Variants in RNF212B observed in about 807,000 individuals in gnomAD.
RNF212B encodes ring finger protein 212B.
RNF212B carries 52 observed loss-of-function variants against 55.5 expected under a neutral mutation model. The ratio of observed to expected loss-of-function variants is 0.94; its 90% CI spans 0.75 to 1.18. The LOEUF is 1.18. Ranked by LOEUF, RNF212B falls within the 50% of genes most tolerant of loss-of-function variation. RNF212B has a pLI of 0.00. For synonymous variants in RNF212B, 99 were observed against 121.4 expected (o/e 0.82, Z 1.21); for missense variants, 289 against 350.4 (o/e 0.82, Z 1.40).
At chr14:23,218,173 CT>C (rs1420967880) in intron 2 of RNF212B, among the ~76,000 whole-genome samples, 17 of 151,530 alleles carry the variant, frequency 1.1e-4, no homozygotes, top group Admixed American at 1.1e-3. Context: ...TCGAGACCCT[CT>C]TGGCTAACAC....
At chr14:23,194,726 C>T (rs1878467602) in intron 2 of RNF212B, among the ~76,000 whole-genome samples, 2 of 95,408 alleles carry the variant, frequency 2.1e-5, no homozygotes, top group African/African-American at 8.8e-5. Flanking sequence ...CAGAGTGAGA[C>T]TCTGTCTCAA....
intron 2 of RNF212B, among the ~76,000 whole-genome samples, chr14:23,205,177 A>C (rs1382627345): frequency 6.6e-6 from 1 of 152,070 alleles, no homozygotes; most frequent in South Asian, 2.1e-4. Context: ...TACACACACA[A>C]AAAATCTCTT....
In RNF212B at chr14:23,242,566, T is replaced by C. The variant is rs142237665; in HGVS notation, c.101-690T>C. On this transcript the variant is annotated intron_variant, in intron 2 of 14. Transcript: ENST00000430154. ...AAAAAAGAGTAACTTAAAGTTAAGA[T>C]CTTTGGTATCTTGTACTCTTCCTCA... Among the ~76,000 whole-genome samples, 26 of 152,264 alleles carry C rather than the reference T, an allele frequency of 1.7e-4. No individual in the cohort carries two copies. The East Asian group carries it at 4.8e-3, about 28-fold the overall frequency.
At chr14:23,193,794 T>C (rs1190368188) in intron 2 of RNF212B, among the ~76,000 whole-genome samples, 2 of 150,342 alleles carry the variant, frequency 1.3e-5, no homozygotes, top group Non-Finnish European at 3.0e-5. Flanking sequence ...AGAGTGGGGG[T>C]AGTTATTAGA....
chr14:23,228,639 A>ACT lies in RNF212B; in HGVS notation c.-1-11701_-1-11700dup, dbSNP rs149787572. On this transcript the variant is annotated intron_variant, in intron 2 of 15. Coordinates refer to the RNF212B transcript ENST00000399910. ...AATCCAGCCTGGGTGACAGAGCAAG[A>ACT]CTCTCTAAAAAAACAAAAAAACAAA... Among the ~76,000 whole-genome samples the ACT allele has an allele frequency of 9.0e-3, 1,359 of 151,830 alleles. 16 individuals are homozygous for ACT. The highest frequency in any genetic ancestry group is 0.031 in the African/African-American group (1,274 of 41,260).
upstream of RNF212B, among the ~76,000 whole-genome samples, chr14:23,234,447 T>C (rs1301137893): frequency 6.6e-6 from 1 of 152,172 alleles, no homozygotes; most frequent in Non-Finnish European, 1.5e-5. Flanking sequence ...TTTCGTCTGG[T>C]ACCTGTCTGT....
At chr14:23,270,255 G>A (rs543104782) in intron 13 of RNF212B, among the ~76,000 whole-genome samples, 4 of 152,254 alleles carry the variant, frequency 2.6e-5, no homozygotes, top group South Asian at 4.1e-4. Flanking sequence ...AATGCTGGGC[G>A]CTCAGTTCTG....
At chr14:23,223,547 G>A (rs999956200) in intron 2 of RNF212B, among the ~76,000 whole-genome samples, 5 of 152,052 alleles carry the variant, frequency 3.3e-5, no homozygotes, top group Admixed American at 1.3e-4. Flanking sequence ...AGTAGAGACG[G>A]GGTTACACGA....
chr14:23,234,141 T>C (rs1034509208), upstream of RNF212B, among the ~76,000 whole-genome samples: 1 of 152,048 alleles, frequency 6.6e-6, no homozygotes, highest in Non-Finnish European at 1.5e-5. Context: ...AGATATTTTC[T>C]AGGAAAACTG....
At chr14:23,269,235 G>A (rs1338523364) in intron 12 of RNF212B, among the ~76,000 whole-genome samples, 3 of 152,022 alleles carry the variant, frequency 2.0e-5, no homozygotes, top group Admixed American at 6.6e-5. Context: ...TCCAGGAGGC[G>A]GAGGTTGCAG....
At chr14:23,216,879 C>CAAAAAAAAAAAAA (rs59923716) in intron 2 of RNF212B, among the ~76,000 whole-genome samples, 1 of 48,756 alleles carries the variant, frequency 2.1e-5, no homozygotes, top group African/African-American at 8.6e-5. Flanking sequence ...GACCCTGTCT[C>CAAAAAAAAAAAAA]AAAAAAAAAA....
At position 23,273,383 on chromosome 14, in the gene RNF212B, A is replaced by T. The variant is rs1427104022; in HGVS notation, c.*492A>T. The T allele has an allele frequency of 2.0e-5, 3 of 152,362 alleles. No homozygotes were observed. In the East Asian group the frequency reaches 5.8e-4, roughly 29 times the overall value. 9.4% of individuals were successfully genotyped at this position (152,362 alleles called of 1,614,324 possible). ...TATGCTTAGTTACTATTAAATGTTA[A>T]TTTTCCTTTCTATTGAAAACAACTG... On this transcript the variant is annotated 3_prime_UTR_variant, in exon 15 of 15. Coordinates refer to ENST00000430154, the MANE Select transcript of RNF212B (RefSeq NM_001282322.3).
intron 2 of RNF212B, among the ~76,000 whole-genome samples, chr14:23,215,529 C>CACAA (rs1159266326): frequency 6.6e-6 from 1 of 151,888 alleles, no homozygotes; most frequent in Non-Finnish European, 1.5e-5. Flanking sequence ...CAAACACACA[C>CACAA]ACAAACAAAC....
intron 4 of RNF212B, among the ~76,000 whole-genome samples, chr14:23,253,424 G>A (rs1884561356): frequency 6.6e-6 from 1 of 152,002 alleles, no homozygotes; most frequent in Non-Finnish European, 1.5e-5. Flanking sequence ...TCACAGTGTG[G>A]ATTTTGTTTA....
At chr14:23,207,598 C>T (rs1209939583) in intron 2 of RNF212B, among the ~76,000 whole-genome samples, 1 of 152,234 alleles carries the variant, frequency 6.6e-6, no homozygotes, top group East Asian at 1.9e-4. Context: ...AGAGTTAGCT[C>T]ATGCTGGTAC....
intron 2 of RNF212B, among the ~76,000 whole-genome samples, chr14:23,209,824 A>T (rs1389136145): frequency 6.6e-6 from 1 of 152,212 alleles, no homozygotes; most frequent in Non-Finnish European, 1.5e-5. Context: ...ATACAACATG[A>T]TGACAGGGCA....
intron 2 of RNF212B, among the ~76,000 whole-genome samples, chr14:23,242,860 T>C (rs373270267): frequency 7.2e-5 from 11 of 151,996 alleles, no homozygotes; most frequent in African/African-American, 2.4e-4. Context: ...GCGCCTGTGG[T>C]CCCAGCTAGT....
intron 2 of RNF212B, among the ~76,000 whole-genome samples, chr14:23,219,540 C>T (rs775057832): frequency 4.0e-5 from 6 of 151,004 alleles, no homozygotes; most frequent in Admixed American, 1.3e-4. Context: ...GGCAAGATCT[C>T]GGCTCACTGC....
Position 23,270,489 on chromosome 14 carries a change from C to T in RNF212B, c.773-111C>T, listed in dbSNP as rs1201751377. On this transcript the variant is annotated intron_variant, in intron 13 of 14. Coordinates refer to ENST00000430154, the MANE Select transcript of RNF212B (RefSeq NM_001282322.3). ...TCTCTTAAATTGCTGATTGTGTTTC[C>T]CTTCTGAGTAGTGTTCCTTTAAGAA... The T allele has an allele frequency of 6.9e-6, 5 of 724,810 alleles. No homozygotes were observed. In the African/African-American group the frequency reaches 7.0e-5, roughly 10 times the overall value. The allele number at this position is 724,810 out of a possible 1,614,324, so 44.9% of individuals were successfully genotyped here.
Sources: allele counts gnomAD v4.1 joint callset (sites outside exome capture counted in the v4.1 genomes callset), GRCh38; gene constraint gnomAD v4.1.1; transcripts MANE v1.5; gene names NCBI Gene and HGNC (gene_info 2026-07-23, HGNC 2026-07-21).